The following SYNJ2 variants were observed in gnomAD, a reference collection of about 807,000 sequenced individuals.
SYNJ2 encodes the protein synaptojanin 2, also known as polyphosphatidylinositol phosphatase SYNJ2.
SYNJ2 carries 116 observed loss-of-function variants against 141.3 expected under a neutral mutation model. The observed-to-expected ratio is 0.82, with a 90% CI of 0.71 to 0.96. SYNJ2 has a LOEUF of 0.96. Among genes scored for constraint, SYNJ2 ranks in the 40% least tolerant of loss-of-function variants. The pLI, the probability that SYNJ2 is intolerant of heterozygous loss-of-function variation, is 0.00. For synonymous variants in SYNJ2, 745 were observed against 777.7 expected, an observed-to-expected ratio of 0.96 and a Z score of 0.70; for missense variants, 1,873 against 1,934.8, an observed-to-expected ratio of 0.97 and a Z score of 0.60.
Position 158,043,540 on chromosome 6 carries a change from G to A in SYNJ2, c.795+141G>A. ...TTTTTCCTCAGCCCTGTTGTGTTGAGCTGAGCTATCAAAGTGTGCACACGT... is the reference window on the plus strand; with the variant it reads ...TTTTTCCTCAGCCCTGTTGTGTTGAACTGAGCTATCAAAGTGTGCACACGT... On this transcript the variant is annotated intron_variant, in intron 5 of 26. Transcript: ENST00000355585. The surrounding 1 kb of genome is among the most constrained non-coding windows in gnomAD (Gnocchi z 4.0). 3.1e-6 allele frequency: 2 copies of A among 638,280 alleles called. No homozygotes were observed. Among genetic ancestry groups the A allele is most frequent in the Non-Finnish European group, 5.5e-6 (2 of 364,228 alleles). The allele number at this position is 638,280 out of a possible 1,614,324, so 39.5% of individuals were successfully genotyped here. A position where few individuals can be genotyped will look rare whatever the true frequency, so the allele number is the denominator to read the frequency against.
In SYNJ2 at chr6:158,063,867, C is replaced by T. The variant is rs1781386400; in HGVS notation, c.1204C>T (p.Leu402Phe). The T allele has an allele frequency of 6.2e-7, 1 of 1,613,366 alleles. No homozygotes were observed. The highest frequency in any genetic ancestry group is 1.3e-5 in the African/African-American group (1 of 74,898). The change falls in exon 9 of 27, where the codon CTC (leucine) becomes TTC (phenylalanine). Residue 402 changes from leucine to phenylalanine, a missense_variant. Coordinates refer to ENST00000355585, the MANE Select transcript of SYNJ2 (RefSeq NM_003898.4). ...RTNTVQSFIA[L>F]EVLHLQLKTL... The stretch of plus-strand genomic sequence containing the variant: ...CAACACTGTGCAGAGCTTCATCGCG[C>T]TCGAGGTGCGTCCCTGCCACAGCCT...
In SYNJ2 at chr6:158,089,909, C is replaced by G; in HGVS notation, c.3527C>G (p.Ala1176Gly). The change falls in exon 25 of 27, where the codon GCA (alanine) becomes GGA (glycine). Residue 1176 changes from alanine to glycine, a missense_variant. Coordinates refer to ENST00000355585, the MANE Select transcript of SYNJ2 (RefSeq NM_003898.4). ...KQIKTTNAQE[A>G]EAAIRCLLEA... ...ATCAAAACCACCAATGCCCAGGAGG[C>G]AGAAGCAGCAATCCGGTGTCTCCTG... 1 of 1,614,108 alleles carries G rather than the reference C, an allele frequency of 6.2e-7. No individual in the cohort carries two copies. The highest frequency in any genetic ancestry group is 8.5e-7 in the Non-Finnish European group (1 of 1,180,000).
chr6:158,016,627 C>A (rs1038824986), intron 1 of SYNJ2, among the ~76,000 whole-genome samples: 2 of 152,150 alleles, frequency 1.3e-5, no homozygotes, highest in Admixed American at 1.3e-4. Context: ...CTCCCTGCGC[C>A]TAATGGTTCT....
intron 24 of SYNJ2, 134 bp downstream of exon 24, chr6:158,088,906 A>G (rs1483383851): frequency 1.6e-6 from 1 of 645,002 alleles, no homozygotes; most frequent in Non-Finnish European, 2.7e-6. Flanking sequence ...TCCAAACCCC[A>G]TAACCCTTCC....
Position 158,069,583 on chromosome 6 carries a change from G to C in SYNJ2, c.1850G>C (p.Arg617Pro), listed in dbSNP as rs201236063. 6.2e-7 allele frequency: 1 copy of C among 1,613,958 alleles called. No homozygotes were observed. The highest frequency in any genetic ancestry group is 1.1e-5 in the South Asian group (1 of 91,070). ...WGEQLQKAIS[R>P]SHRYILLTSA... Reference sequence around the variant, plus strand: ...GAACAGCTTCAGAAAGCCATCTCACGCTCTCATAGATACATTCTGTTGACT... The same window carrying C: ...GAACAGCTTCAGAAAGCCATCTCACCCTCTCATAGATACATTCTGTTGACT... Residue 617 changes from arginine (R) to proline (P), a missense_variant, in exon 14 of 27, where the codon CGC (arginine) becomes CCC (proline). Transcript: ENST00000355585.
At chr6:158,082,074 C>T (rs996807427) in intron 20 of SYNJ2, among the ~76,000 whole-genome samples, 1 of 152,124 alleles carries the variant, frequency 6.6e-6, no homozygotes, top group African/African-American at 2.4e-5. Flanking sequence ...AGGGTGGGCG[C>T]AGTGGCTTAT....
At chr6:158,047,793 A>AAAAAAC (rs1454289700) in intron 5 of SYNJ2, among the ~76,000 whole-genome samples, 11 of 149,044 alleles carry the variant, frequency 7.4e-5, no homozygotes, top group Admixed American at 6.7e-5. Context: ...AAAAAAAAAA[A>AAAAAAC]AAAAAAAAAA....
At chr6:158,076,307 T>C (rs1782281268) in intron 16 of SYNJ2, among the ~76,000 whole-genome samples, 1 of 152,118 alleles carries the variant, frequency 6.6e-6, no homozygotes, top group Non-Finnish European at 1.5e-5. Context: ...CATGGGACTG[T>C]AAAGATGAGC....
In SYNJ2 at chr6:158,071,109, G is replaced by A. The variant is rs1781892390; in HGVS notation, c.1941-493G>A. On this transcript the variant is annotated intron_variant, in intron 14 of 26. Coordinates refer to ENST00000355585, the MANE Select transcript of SYNJ2 (RefSeq NM_003898.4). This position sits in a 1 kb window ranked among gnomAD's most constrained non-coding sequence, Gnocchi z 4.3. Reference sequence around the variant, plus strand: ...GAGGCAGGAGAATTGCTTGAACCTGGGAGGCCACAGTTGCAGTGAGCTGAG... The same window carrying A: ...GAGGCAGGAGAATTGCTTGAACCTGAGAGGCCACAGTTGCAGTGAGCTGAG... 6.6e-6 allele frequency among the ~76,000 whole-genome samples: 1 copy of A among 152,166 alleles called. No individual in the cohort carries two copies. The highest frequency in any genetic ancestry group is 1.5e-5 in the Non-Finnish European group (1 of 68,028).
rs1782889598 is a variant in SYNJ2, at chr6:158,084,174, G to T, written c.3208G>T (p.Asp1070Tyr). ...AAAGAAGCAGCATCCAACGTACAAAGGTAGCCTGACCCTTCTTTTCTCAGG... is the reference window on the plus strand; with the variant it reads ...AAAGAAGCAGCATCCAACGTACAAATGTAGCCTGACCCTTCTTTTCTCAGG... ...TKKKQHPTYK[D>Y]DADLVELKRE... The change falls in exon 22 of 27, where the codon GAT (aspartate) becomes TAT (tyrosine). Residue 1070 changes from aspartate to tyrosine, a missense_variant and splice_region_variant. Physicochemically the swap from Asp to Tyr is radical, Grantham distance 160. Coordinates refer to ENST00000355585, the MANE Select transcript of SYNJ2 (RefSeq NM_003898.4). This position sits in a 1 kb window ranked among gnomAD's most constrained non-coding sequence, Gnocchi z 5.0. 1 of 1,612,762 alleles carries T rather than the reference G, an allele frequency of 6.2e-7. No individual in the cohort carries two copies. Among genetic ancestry groups the T allele is most frequent in the Non-Finnish European group, 8.5e-7 (1 of 1,179,162 alleles).
At chr6:158,007,871 C>T (rs1353630748) in intron 1 of SYNJ2, among the ~76,000 whole-genome samples, 1 of 152,170 alleles carries the variant, frequency 6.6e-6, no homozygotes, top group Non-Finnish European at 1.5e-5. Flanking sequence ...TCACTGTAGT[C>T]TTGACCTCTT....
chr6:158,046,297 TA>T (rs1390395679), intron 5 of SYNJ2, among the ~76,000 whole-genome samples: 1 of 152,124 alleles, frequency 6.6e-6, no homozygotes, highest in Non-Finnish European at 1.5e-5. Context: ...TCCTTAATCT[TA>T]TTAAGGATTT....
Position 158,091,002 on chromosome 6 carries a change from C to CT in SYNJ2, c.3565+1064dup, listed in dbSNP as rs1290755646. Among the ~76,000 whole-genome samples the CT allele has an allele frequency of 9.9e-5, 15 of 151,580 alleles. 1 individual carries two copies. Among genetic ancestry groups the CT allele is most frequent in the South Asian group, 8.4e-4 (4 of 4,780 alleles). On this transcript the variant is annotated intron_variant, in intron 25 of 26. Coordinates refer to ENST00000355585, the MANE Select transcript of SYNJ2 (RefSeq NM_003898.4). ...AGAATGATACTGCTACAAATGCTTTCTTTTTTTTTATTTTAGAAAAATAAC... is the reference window on the plus strand; with the variant it reads ...AGAATGATACTGCTACAAATGCTTTCTTTTTTTTTTATTTTAGAAAAATAAC...
intron 25 of SYNJ2, among the ~76,000 whole-genome samples, chr6:158,090,986 C>A (rs932174956): frequency 5.9e-5 from 9 of 152,208 alleles, no homozygotes; most frequent in African/African-American, 2.2e-4. Context: ...TAGAATGATA[C>A]TGCTACAAAT....
In SYNJ2 at chr6:158,088,419, G is replaced by T. The variant is rs138695950; in HGVS notation, c.3344-241G>T. Among the ~76,000 whole-genome samples, 6 of 152,220 alleles carry T rather than the reference G, an allele frequency of 3.9e-5. 1 individual carries two copies. In the East Asian group the frequency reaches 1.2e-3, roughly 29 times the overall value. On this transcript the variant is annotated intron_variant, in intron 23 of 26. Transcript: ENST00000355585. ...CCAAGATGTTAAAGTTTGCATTCTAGTAATGCTTCTCCAGATCATCTACAT... is the reference window on the plus strand; with the variant it reads ...CCAAGATGTTAAAGTTTGCATTCTATTAATGCTTCTCCAGATCATCTACAT...
intron 5 of SYNJ2, among the ~76,000 whole-genome samples, chr6:158,044,446 C>A (rs1441983704): frequency 6.6e-6 from 1 of 152,172 alleles, no homozygotes; most frequent in African/African-American, 2.4e-5. Flanking sequence ...GCTCCACGCT[C>A]TGGTAGGGAG....
intron 1 of SYNJ2, 82 bp from the exon 2 acceptor site, chr6:158,017,122 C>T (rs1778492843): frequency 3.3e-6 from 5 of 1,533,474 alleles, no homozygotes; most frequent in Admixed American, 4.0e-5. Flanking sequence ...GGTGGGAAGC[C>T]AGCTTGGCAA....
At chr6:157,990,194 G>A (rs188857555) in intron 1 of SYNJ2, among the ~76,000 whole-genome samples, 20 of 152,350 alleles carry the variant, frequency 1.3e-4, no homozygotes, top group Non-Finnish European at 2.5e-4. Flanking sequence ...GGCCCAGGCC[G>A]CAGGAGGTGG....
chr6:157,986,158 T>C (rs1777193886), intron 1 of SYNJ2, among the ~76,000 whole-genome samples: 1 of 152,054 alleles, frequency 6.6e-6, no homozygotes, highest in Non-Finnish European at 1.5e-5. Flanking sequence ...TGGACAAAGT[T>C]GAAACCACAG....
Sources: allele counts gnomAD v4.1 joint callset (sites outside exome capture counted in the v4.1 genomes callset), GRCh38; gene constraint gnomAD v4.1.1; non-coding constraint Gnocchi (gnomAD v3.1); transcripts MANE v1.5; gene names NCBI Gene and HGNC (gene_info 2026-07-23, HGNC 2026-07-21).